Variants in RORB observed in about 807,000 individuals in gnomAD.
The protein encoded by RORB is RAR related orphan receptor B, also known as nuclear receptor ROR-beta.
RORB carries 6 observed loss-of-function variants against 59.1 expected under a neutral mutation model. That is an observed-to-expected ratio of 0.10 (90% CI 0.06 to 0.20). The LOEUF (loss-of-function observed/expected upper bound fraction) is 0.20. Ranked by LOEUF, RORB falls within the 10% of genes least tolerant of loss-of-function variation. The pLI, the probability that RORB is intolerant of heterozygous loss-of-function variation, is 1.00. For missense variants in RORB, 320 were observed against 560.5 expected, an observed-to-expected ratio of 0.57 and a Z score of 4.33; for synonymous variants, 215 against 204.5, an observed-to-expected ratio of 1.05 and a Z score of -0.44.
In RORB at chr9:74,677,097, G is replaced by A. The variant is rs185878893; in HGVS notation, c.1224+5196G>A. 3.9e-5 allele frequency among the ~76,000 whole-genome samples: 6 copies of A among 152,196 alleles called. No individual in the cohort carries two copies. In the East Asian group the frequency reaches 9.7e-4, roughly 25 times the overall value. On this transcript the variant is annotated intron_variant, in intron 9 of 9. Transcript: ENST00000376896. ...CATTTCCCCGGATCCCCCACAGACC[G>A]CTAAGAAGCCAGACTTCTCAAAAAG... is the stretch of plus-strand genomic sequence containing the variant.
intron 1 of RORB, among the ~76,000 whole-genome samples, chr9:74,533,735 T>C (rs1826280337): frequency 6.6e-6 from 1 of 152,080 alleles, no homozygotes; most frequent in Non-Finnish European, 1.5e-5. Flanking sequence ...ATAGTAGTTA[T>C]GATTCCTTAA....
rs1587425684 is a variant in RORB, at chr9:74,688,329, C to T, written c.*2711C>T. The T allele has an allele frequency of 6.6e-6, 1 of 152,162 alleles. No homozygotes were observed. The highest frequency in any genetic ancestry group is 1.5e-5 in the Non-Finnish European group (1 of 68,044). The allele number at this position is 152,162 out of a possible 1,614,324, so 9.4% of individuals were successfully genotyped here. On this transcript the variant is annotated 3_prime_UTR_variant, in exon 10 of 10. Coordinates refer to ENST00000376896, the MANE Select transcript of RORB (RefSeq NM_006914.4). ...ACCTTCCCTTTAAAGAGAATCCAGT[C>T]ATGTTTTCAATGGTAAAAAGCCTTA...
chr9:74,590,846 C>T lies in RORB; in HGVS notation c.8-39436C>T, dbSNP rs139560035. On this transcript the variant is annotated intron_variant, in intron 1 of 9. Transcript: ENST00000376896. The stretch of plus-strand genomic sequence containing the variant: ...TCGTTCTGTCACCTTGGCTGGAGTG[C>T]AGTGCAGTGGTGCAATCTTGGCTCA... Among the ~76,000 whole-genome samples, 383 of 152,292 alleles carry T rather than the reference C, an allele frequency of 2.5e-3. 1 individual carries two copies. Among genetic ancestry groups the T allele is most frequent in the South Asian group, 0.013 (65 of 4,826 alleles).
At chr9:74,636,251 G>A (rs898622104) in intron 3 of RORB, among the ~76,000 whole-genome samples, 2 of 152,172 alleles carry the variant, frequency 1.3e-5, no homozygotes, top group Admixed American at 6.5e-5. Flanking sequence ...TTTCTACCAT[G>A]TGGCAGTAGG....
chr9:74,651,989 G>C (rs531442380), intron 4 of RORB, among the ~76,000 whole-genome samples: 14 of 152,276 alleles, frequency 9.2e-5, no homozygotes, highest in African/African-American at 2.9e-4. Context: ...GTTAAATAAA[G>C]AAAGCACCCT....
chr9:74,568,478 G>A (rs1048535643), intron 1 of RORB, among the ~76,000 whole-genome samples: 5 of 151,852 alleles, frequency 3.3e-5, no homozygotes, highest in Admixed American at 6.6e-5. Context: ...GAGGTGGGTG[G>A]ATAATGAGGT....
intron 4 of RORB, among the ~76,000 whole-genome samples, chr9:74,647,052 A>T (rs950806438): frequency 6.6e-6 from 1 of 152,238 alleles, no homozygotes; most frequent in Non-Finnish European, 1.5e-5. Context: ...CTAAAACCAT[A>T]GGAAAAAGAA....
chr9:74,497,815 T>C lies in RORB; in HGVS notation c.-162T>C. ...AACATAGCGGCGGCGGCGGCAAACG[T>C]CACCCTGCAGCCACGGCGTCCGCCT... On this transcript the variant is annotated 5_prime_UTR_variant, in exon 1 of 10. Coordinates refer to ENST00000376896, the MANE Select transcript of RORB (RefSeq NM_006914.4). 2 of 725,250 alleles carry C rather than the reference T, an allele frequency of 2.8e-6. No individual in the cohort carries two copies. Among genetic ancestry groups the C allele is most frequent in the Non-Finnish European group, 4.6e-6 (2 of 434,744 alleles). The allele number at this position is 725,250 out of a possible 1,614,324, so 44.9% of individuals were successfully genotyped here. A position where few individuals can be genotyped will look rare whatever the true frequency, so the allele number is the denominator to read the frequency against.
At chr9:74,594,509 T>C (rs975648309) in intron 1 of RORB, among the ~76,000 whole-genome samples, 2 of 152,244 alleles carry the variant, frequency 1.3e-5, no homozygotes, top group Non-Finnish European at 2.9e-5. Context: ...GTAGTATATA[T>C]GTTGATGTAG....
intron 1 of RORB, among the ~76,000 whole-genome samples, chr9:74,552,982 A>G (rs1487650514): frequency 6.6e-6 from 1 of 152,152 alleles, no homozygotes; most frequent in Non-Finnish European, 1.5e-5. Flanking sequence ...GAAGAAATAA[A>G]CTTGGAATGT....
At chr9:74,583,312 C>G (rs925328288) in intron 1 of RORB, among the ~76,000 whole-genome samples, 9 of 152,146 alleles carry the variant, frequency 5.9e-5, no homozygotes, top group African/African-American at 2.2e-4. Context: ...CCCCCAAGCA[C>G]CTTCTCCGAA....
intron 1 of RORB, among the ~76,000 whole-genome samples, chr9:74,506,366 C>A (rs963009635): frequency 2.0e-5 from 3 of 151,998 alleles, no homozygotes. Flanking sequence ...AAGGAAAATT[C>A]TGGAGACTCT....
chr9:74,648,826 T>C (rs757856228), intron 4 of RORB, among the ~76,000 whole-genome samples: 10 of 152,162 alleles, frequency 6.6e-5, no homozygotes, highest in South Asian at 2.1e-4. Flanking sequence ...TCCAAGTTCA[T>C]GTACAATCCA....
rs982851793 is a variant in RORB, at chr9:74,628,847, A to G, written c.8-1435A>G. 2.6e-5 allele frequency among the ~76,000 whole-genome samples: 4 copies of G among 152,346 alleles called. No homozygotes were observed. In the East Asian group the frequency reaches 7.7e-4, roughly 29 times the overall value. On this transcript the variant is annotated intron_variant, in intron 1 of 9. Transcript: ENST00000376896. ...TCAGACATAGGAATCACTACATTCT[A>G]AATAAATTTTGTCTCATGGATCCAT... is the stretch of plus-strand genomic sequence containing the variant.
At chr9:74,581,540 A>G (rs1822722977) in intron 1 of RORB, among the ~76,000 whole-genome samples, 1 of 152,184 alleles carries the variant, frequency 6.6e-6, no homozygotes, top group African/African-American at 2.4e-5. Flanking sequence ...ACACTTTTGG[A>G]AGGTGTCTCC....
intron 1 of RORB, among the ~76,000 whole-genome samples, chr9:74,627,431 A>C (rs1361351261): frequency 6.6e-6 from 1 of 152,174 alleles, no homozygotes; most frequent in Non-Finnish European, 1.5e-5. Flanking sequence ...ATAGTTCTTC[A>C]GGATTACATG....
rs199800214 is a variant in RORB, at chr9:74,600,135, T to C, written c.8-30147T>C. ...CCCTCTCCCCAGCTACATTAAAACT[T>C]ACCCATCCTGTGTCTTCTTCACTTA... On this transcript the variant is annotated intron_variant, in intron 1 of 9. Coordinates refer to ENST00000376896, the MANE Select transcript of RORB (RefSeq NM_006914.4). Among the ~76,000 whole-genome samples, 15 of 152,340 alleles carry C rather than the reference T, an allele frequency of 9.8e-5. No homozygotes were observed. The South Asian group carries it at 3.1e-3, about 32-fold the overall frequency.
chr9:74,593,690 A>T (rs1392083589), intron 1 of RORB, among the ~76,000 whole-genome samples: 6 of 152,146 alleles, frequency 3.9e-5, no homozygotes, highest in Non-Finnish European at 8.8e-5. Flanking sequence ...AATTGGAGTC[A>T]ATGGAAAAGA....
chr9:74,575,027 C>T (rs1325013824), intron 1 of RORB, among the ~76,000 whole-genome samples: 1 of 152,058 alleles, frequency 6.6e-6, no homozygotes, highest in Non-Finnish European at 1.5e-5. Context: ...ATTGAAGTTA[C>T]ATAAAGTGTG....
Sources: allele counts gnomAD v4.1 joint callset (sites outside exome capture counted in the v4.1 genomes callset), GRCh38; gene constraint gnomAD v4.1.1; transcripts MANE v1.5; gene names NCBI Gene and HGNC (gene_info 2026-07-23, HGNC 2026-07-21).